The following NELL1 variants were observed in gnomAD, a reference collection of about 807,000 sequenced individuals.
The protein encoded by NELL1 is neural EGFL like 1.
Under a neutral mutation model 107.4 loss-of-function variants are expected in NELL1, and 76 were observed. The ratio of observed to expected loss-of-function variants is 0.71; its 90% confidence interval spans 0.59 to 0.86. NELL1 has a LOEUF of 0.86. Among genes scored for constraint, NELL1 ranks in the 40% least tolerant of loss-of-function variants. The pLI is 0.00. For synonymous variants in NELL1, 353 were observed against 341.2 expected (o/e 1.03, Z -0.38); for missense variants, 1,024 against 1,005.5 (o/e 1.02, Z -0.25).
chr11:21,533,026 T>G (rs1291580758), intron 15 of NELL1, among the ~76,000 whole-genome samples: 2 of 152,192 alleles, frequency 1.3e-5, no homozygotes, highest in African/African-American at 4.8e-5. Flanking sequence ...TATCTGAAGA[T>G]CCTATACAAA....
chr11:20,899,157 T>TAC (rs888641896), intron 5 of NELL1, among the ~76,000 whole-genome samples: 3 of 151,870 alleles, frequency 2.0e-5, no homozygotes, highest in East Asian at 1.9e-4. Flanking sequence ...TATATATATA[T>TAC]ACACACACAC....
chr11:21,407,694 C>CT (rs560297119), intron 15 of NELL1, among the ~76,000 whole-genome samples: 39,362 of 137,158 alleles, frequency 0.29, 6,307 homozygotes, highest in Admixed American at 0.44. Context: ...TCCAAATTAC[C>CT]TTTTTTTTTT....
At chr11:21,232,157 A>ATATATATATATATATATAT (rs1284072980) in intron 14 of NELL1, among the ~76,000 whole-genome samples, 3 of 51,040 alleles carry the variant, frequency 5.9e-5, no homozygotes, top group African/African-American at 2.5e-4. Context: ...TAAAAAAAAA[A>ATATATATATATATATATAT]AAATATATAT....
At chr11:21,434,222 T>C (rs1228270554) in intron 15 of NELL1, among the ~76,000 whole-genome samples, 1 of 152,190 alleles carries the variant, frequency 6.6e-6, no homozygotes, top group Admixed American at 6.5e-5. Context: ...TATTTTTGTT[T>C]TTGTTGCCTG....
chr11:20,720,034 T>C (rs1356669822), intron 2 of NELL1, among the ~76,000 whole-genome samples: 1 of 152,202 alleles, frequency 6.6e-6, no homozygotes, highest in Non-Finnish European at 1.5e-5. Flanking sequence ...TGAGTTTTTT[T>C]GTTTTGTTTT....
intron 12 of NELL1, among the ~76,000 whole-genome samples, chr11:21,025,150 T>C (rs975706447): frequency 2.6e-5 from 4 of 152,116 alleles, no homozygotes; most frequent in African/African-American, 9.7e-5. Context: ...TAGAATCCGC[T>C]TCCCTGTACC....
At chr11:21,194,345 C>G (rs1161372996) in intron 13 of NELL1, among the ~76,000 whole-genome samples, 1 of 152,078 alleles carries the variant, frequency 6.6e-6, no homozygotes, top group East Asian at 1.9e-4. Context: ...TGTTTTTTCC[C>G]AATTTTATCT....
intron 2 of NELL1, among the ~76,000 whole-genome samples, chr11:20,740,482 T>C (rs11827952): frequency 0.035 from 5,327 of 152,240 alleles, 302 homozygotes; most frequent in African/African-American, 0.12. Context: ...TTTCTCAGCC[T>C]TGTAATACCA....
intron 10 of NELL1, among the ~76,000 whole-genome samples, chr11:20,947,127 G>A (rs16907131): frequency 0.062 from 9,451 of 152,154 alleles, 412 homozygotes; most frequent in East Asian, 0.22. Context: ...TGAATTTGAG[G>A]CTTTTAGGAT....
At chr11:21,472,474 C>G (rs751033036) in intron 15 of NELL1, among the ~76,000 whole-genome samples, 1 of 151,944 alleles carries the variant, frequency 6.6e-6, no homozygotes, top group African/African-American at 2.4e-5. Flanking sequence ...GGCCTTTACC[C>G]GCTACCAGGT....
intron 12 of NELL1, among the ~76,000 whole-genome samples, chr11:21,046,285 A>G (rs926259007): frequency 1.3e-5 from 2 of 152,190 alleles, no homozygotes; most frequent in African/African-American, 4.8e-5. Context: ...ATCATAAACC[A>G]CAAAACTAAT....
At chr11:20,685,578 G>T (rs540655824) in intron 2 of NELL1, among the ~76,000 whole-genome samples, 1 of 152,198 alleles carries the variant, frequency 6.6e-6, no homozygotes, top group Non-Finnish European at 1.5e-5. Flanking sequence ...TTTACTCACT[G>T]ATAAGGTGGG....
At chr11:21,537,206 G>C (rs1031042104) in intron 16 of NELL1, among the ~76,000 whole-genome samples, 8 of 152,020 alleles carry the variant, frequency 5.3e-5, no homozygotes, top group African/African-American at 1.9e-4. Context: ...ATATTTCTTG[G>C]GCAAACAACT....
chr11:21,495,231 T>C (rs1854946406), intron 15 of NELL1, among the ~76,000 whole-genome samples: 1 of 152,160 alleles, frequency 6.6e-6, no homozygotes, highest in Admixed American at 6.5e-5. Flanking sequence ...CTATTTTGAA[T>C]ATTTTATATT....
At chr11:21,064,658 G>A (rs1006659122) in intron 12 of NELL1, among the ~76,000 whole-genome samples, 6 of 152,148 alleles carry the variant, frequency 3.9e-5, no homozygotes, top group Non-Finnish European at 7.3e-5. Flanking sequence ...TTCTATGGAG[G>A]AAGGATGGGA....
chr11:21,390,926 T>C (rs1851860978), intron 15 of NELL1, among the ~76,000 whole-genome samples: 1 of 151,838 alleles, frequency 6.6e-6, no homozygotes, highest in Non-Finnish European at 1.5e-5. Context: ...ATGAGGTTTT[T>C]TTTCAACATC....
chr11:21,279,021 A>G (rs1403099019), intron 14 of NELL1, among the ~76,000 whole-genome samples: 1 of 152,206 alleles, frequency 6.6e-6, no homozygotes, highest in African/African-American at 2.4e-5. Context: ...ACACAATATC[A>G]TGAAGGAAAA....
At chr11:20,755,563 T>TATTTTTTTATTTATTTA (rs1590264055) in intron 2 of NELL1, among the ~76,000 whole-genome samples, 955 of 19,070 alleles carry the variant, frequency 0.05, 8 homozygotes, top group Non-Finnish European at 0.099. Context: ...TTTGTTTTTG[T>TATTTTTTTATTTATTTA]TTTTTTTTTT....
Position 20,928,414 on chromosome 11 carries a change from C to A in NELL1, c.932C>A (p.Pro311His), listed in dbSNP as rs55926004. 6.8e-6 allele frequency: 11 copies of A among 1,613,958 alleles called. No homozygotes were observed. The Admixed American group carries it at 1.7e-4, about 24-fold the overall frequency. The change falls in exon 9 of 20, where the codon CCT becomes CAT. Residue 311 changes from proline to histidine, a missense_variant. By Grantham distance (77) the Pro-to-His change is moderately conservative. Coordinates refer to ENST00000357134, the MANE Select transcript of NELL1 (RefSeq NM_006157.5). ...AVECRRMSCP[P>H]LNCSPDSLPV... ...GAATGCCGAAGGATGTCCTGTCCCCCTCTCAATTGCTCCCCAGACTCCCTC... is the reference window on the plus strand; with the variant it reads ...GAATGCCGAAGGATGTCCTGTCCCCATCTCAATTGCTCCCCAGACTCCCTC...
Sources: gnomAD v4.1 joint callset for allele counts (sites outside exome capture counted in the v4.1 genomes callset) on GRCh38, gnomAD v4.1.1 for gene constraint, MANE v1.5 for transcripts, NCBI Gene and HGNC (gene_info 2026-07-23, HGNC 2026-07-21) for gene names.